SMG6: variants seen among roughly 807,000 people sequenced by gnomAD.
The protein encoded by SMG6 is telomerase-binding protein EST1A.
In SMG6, 66 loss-of-function variants were observed where a neutral mutation model predicts 142.2. The ratio of observed to expected loss-of-function variants is 0.46; its 90% CI spans 0.38 to 0.57. The LOEUF is 0.57. Among genes scored for constraint, SMG6 ranks in the 20% least tolerant of loss-of-function variants. SMG6 has a pLI of 0.00. For synonymous variants in SMG6, 779 were observed against 702.4 expected (o/e 1.11, Z -1.72); for missense variants, 1,793 against 1,832.0 (o/e 0.98, Z 0.39).
At chr17:2,088,794 G>C (rs2068635658) in intron 13 of SMG6, 1 of 985,344 alleles carries the variant, frequency 1.0e-6, no homozygotes, top group African/African-American at 1.7e-5. Flanking sequence ...GAAACCTTCT[G>C]TCTGTAGCTC....
intron 2 of SMG6, 31 bp downstream of exon 2, chr17:2,298,875 T>C (rs2075204468): frequency 1.3e-6 from 2 of 1,580,362 alleles, no homozygotes; most frequent in Non-Finnish European, 1.7e-6. Flanking sequence ...TGATCCCCAT[T>C]TCCCTCCAGC....
intron 10 of SMG6, among the ~76,000 whole-genome samples, chr17:2,189,437 C>T (rs145212879): frequency 6.4e-4 from 98 of 152,296 alleles, no homozygotes; most frequent in African/African-American, 2.2e-3. Context: ...GTCCACCACA[C>T]AGCCTCCGAG....
intron 12 of SMG6, among the ~76,000 whole-genome samples, chr17:2,173,382 G>C (rs2071564073): frequency 6.6e-6 from 1 of 152,236 alleles, no homozygotes; most frequent in South Asian, 2.1e-4. Flanking sequence ...CCTATATATA[G>C]GCAGGCAATC....
At chr17:2,118,048 G>A (rs2069561479) in intron 13 of SMG6, among the ~76,000 whole-genome samples, 1 of 151,634 alleles carries the variant, frequency 6.6e-6, no homozygotes, top group Non-Finnish European at 1.5e-5. Context: ...TTCAAGAGCA[G>A]CCTGGGAAAC....
At chr17:2,087,700 G>A in intron 13 of SMG6, 2 of 987,550 alleles carry the variant, frequency 2.0e-6, no homozygotes, top group East Asian at 1.1e-4. Flanking sequence ...ATGTGATGAG[G>A]AAGGCTAGAA....
At chr17:2,188,335 T>A (rs993993899) in intron 11 of SMG6, 64 bp downstream of exon 11, 3 of 1,321,388 alleles carry the variant, frequency 2.3e-6, no homozygotes, top group African/African-American at 3.0e-5. Flanking sequence ...AGCATGGCAC[T>A]GTGAGGTCTG....
chr17:2,078,470 G>A (rs76559770), intron 15 of SMG6, among the ~76,000 whole-genome samples: 1 of 150,450 alleles, frequency 6.6e-6, no homozygotes, highest in Admixed American at 6.6e-5. Flanking sequence ...CTTCTGGGTT[G>A]AAGTGATTCT....
intron 13 of SMG6, among the ~76,000 whole-genome samples, chr17:2,131,855 T>G (rs1340375690): frequency 6.6e-6 from 1 of 152,062 alleles, no homozygotes; most frequent in Non-Finnish European, 1.5e-5. Context: ...GCGGACCACT[T>G]GAGGACACGA....
intron 10 of SMG6, among the ~76,000 whole-genome samples, chr17:2,201,671 T>G (rs1296297450): frequency 7.3e-6 from 1 of 136,654 alleles, no homozygotes; most frequent in Non-Finnish European, 1.6e-5. Flanking sequence ...AAAGTGAGAC[T>G]TGATTCAAAA....
At chr17:2,195,316 A>T (rs2072291427) in intron 10 of SMG6, among the ~76,000 whole-genome samples, 1 of 152,174 alleles carries the variant, frequency 6.6e-6, no homozygotes, top group African/African-American at 2.4e-5. Context: ...ACCTCCACAC[A>T]TTCTCTCATC....
At chr17:2,249,169 A>G (rs2151310054) in intron 8 of SMG6, among the ~76,000 whole-genome samples, 1 of 152,196 alleles carries the variant, frequency 6.6e-6, no homozygotes, top group East Asian at 1.9e-4. Context: ...CTGGGATTAC[A>G]GGCGTGAGCC....
At chr17:2,268,911 CA>C (rs150180102) in intron 8 of SMG6, among the ~76,000 whole-genome samples, 5 of 106,266 alleles carry the variant, frequency 4.7e-5, no homozygotes, top group East Asian at 6.1e-4. Flanking sequence ...GACTTCGTCT[CA>C]AAAAAAAAAC....
intron 12 of SMG6, among the ~76,000 whole-genome samples, chr17:2,184,960 C>CA (rs58230459): frequency 0.34 from 7,629 of 22,454 alleles, 3,363 homozygotes; most frequent in East Asian, 0.59. Context: ...GACTCCATCT[C>CA]AAAAAAAAAA....
At chr17:2,165,894 G>T (rs1345494491) in intron 13 of SMG6, among the ~76,000 whole-genome samples, 3 of 152,126 alleles carry the variant, frequency 2.0e-5, no homozygotes, top group African/African-American at 7.2e-5. Flanking sequence ...GACAGAGTGA[G>T]ACACTGTCTC....
Position 2,260,036 on chromosome 17 carries a change from GA to G in SMG6, c.2662-15318del, listed in dbSNP as rs1287608745. On this transcript the variant is annotated intron_variant, in intron 8 of 18. Transcript: ENST00000263073. ...AGGATTCTGGCGCATCAACTCCCAG[GA>G]AAAGTGTTTCAAGTTAAAAATGGTC... Among the ~76,000 whole-genome samples, 7 of 152,192 alleles carry G rather than the reference GA, an allele frequency of 4.6e-5. No homozygotes were observed. The East Asian group carries it at 1.2e-3, about 25-fold the overall frequency.
At chr17:2,079,304 G>C (rs767726115) in intron 15 of SMG6, among the ~76,000 whole-genome samples, 1 of 152,186 alleles carries the variant, frequency 6.6e-6, no homozygotes, top group African/African-American at 2.4e-5. Context: ...ATAACTGCTG[G>C]GTTGAGAGTC....
intron 10 of SMG6, among the ~76,000 whole-genome samples, chr17:2,231,350 C>A (rs2073487150): frequency 6.6e-6 from 1 of 152,100 alleles, no homozygotes; most frequent in African/African-American, 2.4e-5. Flanking sequence ...CTCTGGAGAC[C>A]CACATGTGAC....
intron 8 of SMG6, among the ~76,000 whole-genome samples, chr17:2,272,806 T>C (rs950491519): frequency 7.9e-5 from 12 of 151,508 alleles, no homozygotes; most frequent in African/African-American, 1.9e-4. Context: ...GGTGTGGTGG[T>C]GGGCGCCTGT....
At chr17:2,242,428 G>A (rs1236734139) in intron 9 of SMG6, among the ~76,000 whole-genome samples, 1 of 149,544 alleles carries the variant, frequency 6.7e-6, no homozygotes, top group African/African-American at 2.5e-5. Context: ...TACTCGGGAG[G>A]CTGAGGCAGA....
Sources: allele counts gnomAD v4.1 joint callset (sites outside exome capture counted in the v4.1 genomes callset), GRCh38; gene constraint gnomAD v4.1.1; transcripts MANE v1.5; gene names NCBI Gene and HGNC (gene_info 2026-07-23, HGNC 2026-07-21).